LRP1B: variants seen among roughly 807,000 people sequenced by gnomAD.
LRP1B encodes low-density lipoprotein receptor-related protein 1B.
In LRP1B, 217 loss-of-function variants were observed where a neutral mutation model predicts 556.6. The observed-to-expected ratio is 0.39, with a 90% CI of 0.35 to 0.44. LRP1B has a LOEUF of 0.44. LRP1B is among the 20% of genes least tolerant of loss of function. The pLI is 1.00. For missense variants in LRP1B, 5,053 were observed against 5,620.8 expected (o/e 0.90, Z 3.23); for synonymous variants, 2,047 against 1,865.8 (o/e 1.10, Z -2.50).
chr2:141,044,731 C>T (rs1698815295), intron 11 of LRP1B, among the ~76,000 whole-genome samples: 2 of 149,578 alleles, frequency 1.3e-5, no homozygotes, highest in South Asian at 2.1e-4. Flanking sequence ...TACCATCTCA[C>T]ACCAGTTAGA....
intron 11 of LRP1B, 140 bp downstream of exon 11, chr2:141,048,846 G>T: frequency 3.0e-6 from 2 of 674,332 alleles, no homozygotes; most frequent in South Asian, 1.8e-5. Context: ...TGTTAATGAA[G>T]AAATAACATT....
At chr2:141,526,587 T>C (rs1239947580) in intron 2 of LRP1B, among the ~76,000 whole-genome samples, 2 of 152,012 alleles carry the variant, frequency 1.3e-5, no homozygotes, top group Non-Finnish European at 2.9e-5. Flanking sequence ...AGCAAAGAAA[T>C]CAAGTGACTA....
chr2:141,272,991 T>A (rs182429422), intron 3 of LRP1B, among the ~76,000 whole-genome samples: 5 of 152,272 alleles, frequency 3.3e-5, no homozygotes, highest in African/African-American at 9.6e-5. Context: ...TACAACATCT[T>A]GTCCAACAAT....
intron 31 of LRP1B, among the ~76,000 whole-genome samples, chr2:140,820,591 C>T (rs1028929506): frequency 6.8e-5 from 9 of 131,816 alleles, no homozygotes; most frequent in Admixed American, 3.0e-4. Context: ...CCAGAATCAA[C>T]GAAATTATTT....
chr2:140,379,983 CAATT>C (rs146981078), intron 67 of LRP1B, among the ~76,000 whole-genome samples: 11,197 of 152,040 alleles, frequency 0.074, 668 homozygotes, highest in African/African-American at 0.17. Flanking sequence ...TTAAAAATAA[CAATT>C]AATACTAATA....
intron 3 of LRP1B, among the ~76,000 whole-genome samples, chr2:141,331,506 C>CT (rs1553497476): frequency 1.8e-5 from 1 of 55,836 alleles, no homozygotes; most frequent in Non-Finnish European, 4.0e-5. Flanking sequence ...TTCTTTCCTT[C>CT]TTTCTTTCTT....
chr2:140,463,227 T>G (rs1437283870), intron 60 of LRP1B, among the ~76,000 whole-genome samples: 1 of 150,504 alleles, frequency 6.6e-6, no homozygotes, highest in Non-Finnish European at 1.5e-5. Flanking sequence ...TGACAAAGAG[T>G]GGGTGGGTGG....
At chr2:141,753,249 T>A (rs1186416346) in intron 2 of LRP1B, among the ~76,000 whole-genome samples, 2 of 125,996 alleles carry the variant, frequency 1.6e-5, no homozygotes, top group African/African-American at 3.0e-5. Flanking sequence ...ACACACACAC[T>A]CTCTCTCTCT....
At chr2:140,236,364 A>C (rs1164517777) in intron 89 of LRP1B, among the ~76,000 whole-genome samples, 1 of 150,952 alleles carries the variant, frequency 6.6e-6, no homozygotes, top group East Asian at 2.0e-4. Flanking sequence ...AACTTTTGTA[A>C]GTCAGAAAAA....
intron 1 of LRP1B, among the ~76,000 whole-genome samples, chr2:142,009,471 G>A (rs1320805660): frequency 6.6e-6 from 1 of 152,082 alleles, no homozygotes; most frequent in Non-Finnish European, 1.5e-5. Flanking sequence ...CTGACACACT[G>A]ACATACAGCA....
At chr2:142,035,839 G>T (rs886473504) in intron 1 of LRP1B, among the ~76,000 whole-genome samples, 1 of 151,630 alleles carries the variant, frequency 6.6e-6, no homozygotes, top group Non-Finnish European at 1.5e-5. Context: ...GAATTCCCAC[G>T]TGTGATGGGA....
At chr2:141,381,629 TAGAA>T (rs1689646154) in intron 3 of LRP1B, among the ~76,000 whole-genome samples, 1 of 148,714 alleles carries the variant, frequency 6.7e-6, no homozygotes, top group Admixed American at 6.7e-5. Context: ...AAAAAAAAAA[TAGAA>T]AGCAATAAGT....
Position 141,150,869 on chromosome 2 carries a change from T to TTGTGTGTGTGTGTG in LRP1B, c.1013+37538_1013+37551dup, listed in dbSNP as rs56107003. On this transcript the variant is annotated intron_variant, in intron 7 of 90. Coordinates refer to ENST00000389484, the MANE Select transcript of LRP1B (RefSeq NM_018557.3). Reference sequence around the variant, plus strand: ...ATGGCCTTCATATTGTCATGCTGGTTTGTGTGTGTGTGTGTGTGTGTGTGT... The same window carrying TTGTGTGTGTGTGTG: ...ATGGCCTTCATATTGTCATGCTGGTTTGTGTGTGTGTGTGTGTGTGTGTGTGTGTGTGTGTGTGT... Among the ~76,000 whole-genome samples the TTGTGTGTGTGTGTG allele has an allele frequency of 6.7e-3, 926 of 138,650 alleles. 11 individuals carry two copies. The highest frequency in any genetic ancestry group is 0.017 in the South Asian group (72 of 4,202). The allele number at this position is 138,650 out of a possible 152,430, so 91.0% of individuals were successfully genotyped here. A position where few individuals can be genotyped will look rare whatever the true frequency, so the allele number is the denominator to read the frequency against.
intron 87 of LRP1B, 117 bp downstream of exon 87, chr2:140,246,969 G>T: frequency 1.5e-6 from 1 of 683,296 alleles, no homozygotes; most frequent in Non-Finnish European, 2.6e-6. Context: ...CAATTGCAGT[G>T]GATCTCTTAT....
chr2:141,270,058 T>A (rs1040298031), intron 3 of LRP1B, among the ~76,000 whole-genome samples: 1 of 151,990 alleles, frequency 6.6e-6, no homozygotes, highest in African/African-American at 2.4e-5. Context: ...AATAAGGAAT[T>A]AATATTTATA....
intron 1 of LRP1B, among the ~76,000 whole-genome samples, chr2:141,820,782 G>A (rs910600717): frequency 6.6e-6 from 1 of 152,176 alleles, no homozygotes; most frequent in African/African-American, 2.4e-5. Flanking sequence ...CGAGAGACAA[G>A]CCAAATAAGA....
intron 66 of LRP1B, among the ~76,000 whole-genome samples, chr2:140,406,419 T>C (rs529492271): frequency 2.3e-4 from 35 of 152,202 alleles, no homozygotes; most frequent in African/African-American, 7.7e-4. Context: ...TCTTCACCAA[T>C]GATATGATCA....
intron 3 of LRP1B, among the ~76,000 whole-genome samples, chr2:141,392,059 A>G (rs1042281784): frequency 1.3e-5 from 2 of 152,144 alleles, no homozygotes; most frequent in African/African-American, 4.8e-5. Flanking sequence ...GTTTGATGCT[A>G]TGTAAAAATT....
rs544042794 is a variant in LRP1B, at chr2:140,885,702, A to G, written c.3964+436T>C. Among the ~76,000 whole-genome samples, 31 of 152,086 alleles carry G rather than the reference A, an allele frequency of 2.0e-4. No individual in the cohort carries two copies. The South Asian group carries it at 6.4e-3, about 32-fold the overall frequency. On this transcript the variant is annotated intron_variant, in intron 24 of 90. Coordinates refer to ENST00000389484, the MANE Select transcript of LRP1B (RefSeq NM_018557.3). ...GAAAGGGTTAGCTTAGCCAAAAGAGATAAGTCAAATTATGGCAAAAATATT... is the reference window on the plus strand; with the variant it reads ...GAAAGGGTTAGCTTAGCCAAAAGAGGTAAGTCAAATTATGGCAAAAATATT...
Sources: gnomAD v4.1 joint callset for allele counts (sites outside exome capture counted in the v4.1 genomes callset) on GRCh38, gnomAD v4.1.1 for gene constraint, MANE v1.5 for transcripts, NCBI Gene and HGNC (gene_info 2026-07-23, HGNC 2026-07-21) for gene names.